The following ERCC8 variants were observed in gnomAD, a reference collection of about 807,000 sequenced individuals.
ERCC8 encodes ERCC excision repair 8, CSA ubiquitin ligase complex subunit, also known as DNA excision repair protein ERCC-8.
Under a neutral mutation model 54.9 loss-of-function variants are expected in ERCC8, and 52 were observed. The ratio of observed to expected loss-of-function variants is 0.95; its 90% CI spans 0.76 to 1.19. ERCC8 has a LOEUF of 1.19. Ranked by LOEUF, ERCC8 falls within the 50% of genes most tolerant of loss-of-function variation. ERCC8 has a pLI of 0.00. For synonymous variants in ERCC8, 146 were observed against 157.2 expected (o/e 0.93, Z 0.53); for missense variants, 514 against 466.1 (o/e 1.10, Z -0.95).
chr5:60,928,862 A>G lies in ERCC8; in HGVS notation c.173+2T>C. ...ATGATTATACAAGTATAATAAACTT[A>G]CTATCTCCCTTCAACAGGTTCAATG... On this transcript the variant is annotated splice_donor_variant, in intron 2 of 11. Transcript: ENST00000676185. LOFTEE classifies it high-confidence loss of function. 1 of 1,537,908 alleles carries G rather than the reference A, an allele frequency of 6.5e-7. No individual in the cohort carries two copies. The highest frequency in any genetic ancestry group is 1.9e-4 in the Middle Eastern group (1 of 5,262).
intron 4 of ERCC8, among the ~76,000 whole-genome samples, chr5:60,912,891 C>T (rs745798827): frequency 4.6e-5 from 7 of 151,996 alleles, no homozygotes; most frequent in Admixed American, 3.3e-4. Context: ...TGATGGATTA[C>T]GTGTATTGAT....
At position 60,911,512 on chromosome 5, in the gene ERCC8, T is replaced by A. The variant is rs539190673; in HGVS notation, c.400-6639A>T. Among the ~76,000 whole-genome samples, 134 of 152,246 alleles carry A rather than the reference T, an allele frequency of 8.8e-4. 1 individual carries two copies. The Middle Eastern group carries it at 0.02, about 23-fold the overall frequency. On this transcript the variant is annotated intron_variant, in intron 4 of 11. Coordinates refer to ENST00000676185, the MANE Select transcript of ERCC8 (RefSeq NM_000082.4). ...ATTAGCCCTTTGTCAGATGGGTAGA[T>A]TGCAAAAATTTTCTCCCATTCTGTA... is the stretch of plus-strand genomic sequence containing the variant.
At chr5:60,944,288 C>T (rs773174804) in intron 1 of ERCC8, among the ~76,000 whole-genome samples, 1 of 152,172 alleles carries the variant, frequency 6.6e-6, no homozygotes. Context: ...CTCTCCCGGA[C>T]AAGTGTAATC....
At chr5:60,888,731 T>A (rs1006960817) in intron 10 of ERCC8, among the ~76,000 whole-genome samples, 5 of 152,192 alleles carry the variant, frequency 3.3e-5, no homozygotes, top group Non-Finnish European at 7.3e-5. Flanking sequence ...AAAGACTTCT[T>A]TTCCCCCTTG....
chr5:60,870,580 T>C lies in ERCC8; in HGVS notation c.*4035A>G, dbSNP rs1020182038. On this transcript the variant is annotated 3_prime_UTR_variant, in exon 12 of 12. Coordinates refer to ENST00000676185, the MANE Select transcript of ERCC8 (RefSeq NM_000082.4). ...GGGAGGCTGAGGCAGGAAAATTGCT[T>C]GAACCTGGGAAGCGGAGGTTGCAGT... 2.5e-4 allele frequency among the ~76,000 whole-genome samples: 38 copies of C among 149,908 alleles called. No homozygotes were observed. Among genetic ancestry groups the C allele is most frequent in the African/African-American group, 8.8e-4 (36 of 40,680 alleles).
chr5:60,922,186 C>A (rs766910186), intron 2 of ERCC8, 31 bp from the exon 3 acceptor site: 10 of 1,391,058 alleles, frequency 7.2e-6, no homozygotes, highest in Non-Finnish European at 1.0e-5. Context: ...ATTAATTTAT[C>A]ATTTTATTTA....
chr5:60,885,421 T>C (rs182118892), intron 11 of ERCC8, among the ~76,000 whole-genome samples: 1 of 152,292 alleles, frequency 6.6e-6, no homozygotes, highest in East Asian at 1.9e-4. Flanking sequence ...TTTCATTTGG[T>C]AAATAAAATG....
At chr5:60,915,009 T>C (rs1401392529) in intron 4 of ERCC8, among the ~76,000 whole-genome samples, 1 of 151,996 alleles carries the variant, frequency 6.6e-6, no homozygotes, top group Non-Finnish European at 1.5e-5. Context: ...AGGATTTTTG[T>C]TATTTATATT....
At position 60,874,685 on chromosome 5, in the gene ERCC8, T is replaced by TA. The variant is rs747885140; in HGVS notation, c.1123-3dup. The stretch of plus-strand genomic sequence containing the variant: ...ATTTAATTGTGATTTTGTTGTAGTC[T>TA]AAAAAAAAAAAAGATAAAGAAAAAG... On this transcript the variant is annotated splice_polypyrimidine_tract_variant and splice_region_variant and intron_variant, in intron 11 of 11. Coordinates refer to ENST00000676185, the MANE Select transcript of ERCC8 (RefSeq NM_000082.4). 0.023 allele frequency: 28,753 copies of TA among 1,245,838 alleles called. No individual in the cohort carries two copies. The highest frequency in any genetic ancestry group is 0.03 in the East Asian group (1,088 of 36,200). The allele number at this position is 1,245,838 out of a possible 1,614,324, so 77.2% of individuals were successfully genotyped here.
intron 3 of ERCC8, chr5:60,918,644 T>C (rs1561510545): frequency 1.1e-5 from 5 of 454,684 alleles, no homozygotes; most frequent in Middle Eastern, 6.4e-4. Context: ...TTGTACTATA[T>C]ACAGCCTGGA....
intron 11 of ERCC8, among the ~76,000 whole-genome samples, chr5:60,880,325 A>C (rs531048063): frequency 6.6e-6 from 1 of 152,214 alleles, no homozygotes; most frequent in African/African-American, 2.4e-5. Flanking sequence ...AGCTTTAGTG[A>C]ATCTGACAAT....
At chr5:60,912,581 A>G (rs1749301816) in intron 4 of ERCC8, among the ~76,000 whole-genome samples, 1 of 152,030 alleles carries the variant, frequency 6.6e-6, no homozygotes, top group South Asian at 2.1e-4. Flanking sequence ...AATACCCTTT[A>G]TCTCTTTCTC....
At chr5:60,933,021 C>A (rs1242281403) in intron 1 of ERCC8, among the ~76,000 whole-genome samples, 1 of 152,062 alleles carries the variant, frequency 6.6e-6, no homozygotes, top group Non-Finnish European at 1.5e-5. Flanking sequence ...ATTCACTTGG[C>A]TTAGTTCGTT....
intron 10 of ERCC8, among the ~76,000 whole-genome samples, chr5:60,889,438 T>TG (rs1342346432): frequency 1.3e-5 from 2 of 152,204 alleles, no homozygotes; most frequent in African/African-American, 4.8e-5. Flanking sequence ...CCTGCACAGC[T>TG]GGGACTACAG....
At chr5:60,925,421 GAT>G (rs1007288681) in intron 2 of ERCC8, among the ~76,000 whole-genome samples, 32 of 152,290 alleles carry the variant, frequency 2.1e-4, no homozygotes, top group African/African-American at 7.7e-4. Context: ...TCTTTGGAAA[GAT>G]ATTAGAGTCC....
chr5:60,918,127 G>A (rs1749490925), intron 4 of ERCC8, 138 bp downstream of exon 4: 1 of 698,990 alleles, frequency 1.4e-6, no homozygotes, highest in South Asian at 1.6e-5. Context: ...AACTCAAGTA[G>A]TCTAGCTCTT....
chr5:60,906,262 C>G (rs192894836), intron 4 of ERCC8, among the ~76,000 whole-genome samples: 34 of 152,072 alleles, frequency 2.2e-4, no homozygotes, highest in Middle Eastern at 3.4e-3. Flanking sequence ...TCTCGAACTC[C>G]TGAGCTCAAG....
intron 2 of ERCC8, among the ~76,000 whole-genome samples, chr5:60,922,700 C>G (rs1354588032): frequency 1.3e-5 from 2 of 152,068 alleles, no homozygotes; most frequent in Admixed American, 6.6e-5. Context: ...TTCCTTCCTT[C>G]TCTTATGAAT....
chr5:60,883,507 A>G (rs148241752), intron 11 of ERCC8, among the ~76,000 whole-genome samples: 11 of 152,224 alleles, frequency 7.2e-5, no homozygotes, highest in Admixed American at 2.6e-4. Context: ...TGTTATAGAA[A>G]TAATGAAGCA....
Sources: allele counts gnomAD v4.1 joint callset (sites outside exome capture counted in the v4.1 genomes callset), GRCh38; gene constraint gnomAD v4.1.1; transcripts MANE v1.5; gene names NCBI Gene and HGNC (gene_info 2026-07-23, HGNC 2026-07-21).